Variants in NCR3LG1 observed in about 807,000 individuals in gnomAD.
NCR3LG1 encodes the protein natural killer cell cytotoxicity receptor 3 ligand 1, also known as natural cytotoxicity triggering receptor 3 ligand 1.
Under a neutral mutation model 34.8 loss-of-function variants are expected in NCR3LG1, and 35 were observed. The observed-to-expected ratio is 1.01, with a 90% CI of 0.77 to 1.33. NCR3LG1 has a LOEUF of 1.33. NCR3LG1 is among the 40% of genes most tolerant of loss of function. The pLI is 0.00. For synonymous variants in NCR3LG1, 173 were observed against 163.6 expected (o/e 1.06, Z -0.44); for missense variants, 452 against 423.3 (o/e 1.07, Z -0.60).
downstream of NCR3LG1, chr11:17,377,425 T>C (rs1186623072): frequency 6.6e-6 from 1 of 151,812 alleles, no homozygotes; most frequent in Non-Finnish European, 1.5e-5. Flanking sequence ...GAAGCAGAAG[T>C]TGCAGAAAGC....
In NCR3LG1 at chr11:17,376,786, C is replaced by T. The variant is rs1953481390; in HGVS notation, c.*4274C>T. The T allele has an allele frequency of 6.6e-6, 1 of 152,136 alleles. No homozygotes were observed. The highest frequency in any genetic ancestry group is 2.4e-5 in the African/African-American group (1 of 41,428). The allele number at this position is 152,136 out of a possible 1,614,324, so 9.4% of individuals were successfully genotyped here. ...TTAAAAGCAGAGGAAAAGGACCATACCTGGGAGATCTCAAATATTATAACA... is the reference window on the plus strand; with the variant it reads ...TTAAAAGCAGAGGAAAAGGACCATATCTGGGAGATCTCAAATATTATAACA... On this transcript the variant is annotated 3_prime_UTR_variant, in exon 5 of 5. Coordinates refer to ENST00000338965, the MANE Select transcript of NCR3LG1 (RefSeq NM_001202439.3).
Position 17,367,090 on chromosome 11 carries a change from T to A in NCR3LG1, c.503T>A (p.Phe168Tyr). The A allele has an allele frequency of 6.5e-7, 1 of 1,536,248 alleles. No homozygotes were observed. The highest frequency in any genetic ancestry group is 8.7e-7 in the Non-Finnish European group (1 of 1,146,928). Residue 168 changes from phenylalanine to tyrosine, a missense_variant, in exon 3 of 5, where the codon TTC (phenylalanine) becomes TAC (tyrosine). Transcript: ENST00000338965. ...AAATATATGTGTGAGTCAAGTGGGT[T>A]CTACCCAGAGGCTATTAATATAACA... ...EDKYMCESSG[F>Y]YPEAINITWE...
Position 17,372,784 on chromosome 11 carries a change from G to T in NCR3LG1, c.*272G>T. 1 of 385,660 alleles carries T rather than the reference G, an allele frequency of 2.6e-6. No individual in the cohort carries two copies. The highest frequency in any genetic ancestry group is 4.6e-6 in the Non-Finnish European group (1 of 215,140). 23.9% of individuals were successfully genotyped at this position (385,660 alleles called of 1,614,324 possible). ...CTATAGCCACTCAATAAGGAAAGAA[G>T]GTGAGAAACAACCAGCATTCACATA... On this transcript the variant is annotated 3_prime_UTR_variant, in exon 5 of 5. Coordinates refer to ENST00000338965, the MANE Select transcript of NCR3LG1 (RefSeq NM_001202439.3).
chr11:17,379,283 T>TA (rs1229375593), downstream of NCR3LG1, among the ~76,000 whole-genome samples: 1 of 152,222 alleles, frequency 6.6e-6, no homozygotes, highest in Non-Finnish European at 1.5e-5. Context: ...TTATTGCTGA[T>TA]AACCCCAACA....
In NCR3LG1 at chr11:17,372,756, C is replaced by T. The variant is rs553298172; in HGVS notation, c.*244C>T. On this transcript the variant is annotated 3_prime_UTR_variant, in exon 5 of 5. Transcript: ENST00000338965. Reference sequence around the variant, plus strand: ...AAAAATTCAGAGATGAACAACATGTCTTCTATAGCCACTCAATAAGGAAAG... The same window carrying T: ...AAAAATTCAGAGATGAACAACATGTTTTCTATAGCCACTCAATAAGGAAAG... 3 of 448,630 alleles carry T rather than the reference C, an allele frequency of 6.7e-6. No individual in the cohort carries two copies. Among genetic ancestry groups the T allele is most frequent in the Admixed American group, 7.7e-5 (2 of 26,140 alleles). The allele number at this position is 448,630 out of a possible 1,614,324, so 27.8% of individuals were successfully genotyped here.
chr11:17,369,097 T>C, intron 4 of NCR3LG1, 133 bp downstream of exon 4: 1 of 611,646 alleles, frequency 1.6e-6, no homozygotes, highest in Non-Finnish European at 2.8e-6. Context: ...CTCTTCACCA[T>C]CAGGTGTTGG....
In NCR3LG1 at chr11:17,352,029, G is replaced by A; in HGVS notation, c.60G>A (p.Leu20=). 1.2e-6 allele frequency: 1 copy of A among 801,722 alleles called. No individual in the cohort carries two copies. Among genetic ancestry groups the A allele is most frequent in the Non-Finnish European group, 1.8e-6 (1 of 558,430 alleles). 49.7% of individuals were successfully genotyped at this position (801,722 alleles called of 1,614,324 possible). A position where few individuals can be genotyped will look rare whatever the true frequency, so the allele number is the denominator to read the frequency against. The change falls in exon 1 of 5, where the codon CTG becomes CTA. Residue 20 remains leucine (L), a synonymous_variant. Transcript: ENST00000338965. The part of the protein sequence containing the change: ...CAALLILLWA[L]TTEGDLKVEM... ...CGCTCCTGATTCTGCTGTGGGCGCT[G>A]ACGACCGAAGGTAGGGGGCGGCTGG...
intron 2 of NCR3LG1, among the ~76,000 whole-genome samples, chr11:17,361,657 T>A (rs1953270898): frequency 1.3e-5 from 2 of 152,378 alleles, no homozygotes; most frequent in South Asian, 2.1e-4. Flanking sequence ...TGATTTTTGC[T>A]TATTAACTTT....
intron 1 of NCR3LG1, among the ~76,000 whole-genome samples, chr11:17,353,628 C>T (rs554725367): frequency 6.6e-6 from 1 of 152,224 alleles, no homozygotes; most frequent in African/African-American, 2.4e-5. Flanking sequence ...CCCGCGGATG[C>T]TGGTGGTGGT....
rs907754440 is a variant in NCR3LG1 at position 17,374,577 on chromosome 11, T to C, written c.*2065T>C. The C allele has an allele frequency of 2.2e-5, 3 of 138,256 alleles. No individual in the cohort carries two copies. The Admixed American group carries it at 2.2e-4, about 10-fold the overall frequency. 8.6% of individuals were successfully genotyped at this position (138,256 alleles called of 1,614,324 possible). A position where few individuals can be genotyped will look rare whatever the true frequency, so the allele number is the denominator to read the frequency against. On this transcript the variant is annotated 3_prime_UTR_variant, in exon 5 of 5. Transcript: ENST00000338965. ...AAGGCTCAGCTCTATCAGACTTTGG[T>C]AAAGTACCTAGGTCTGGTCTTGTCA... is the stretch of plus-strand genomic sequence containing the variant.
intron 2 of NCR3LG1, among the ~76,000 whole-genome samples, chr11:17,361,148 G>C (rs1455169206): frequency 2.6e-5 from 4 of 152,010 alleles, no homozygotes; most frequent in Non-Finnish European, 5.9e-5. Flanking sequence ...CATTTTTGTT[G>C]CCTTTCTTCA....
rs1953136094 is a variant in NCR3LG1 at position 17,351,808 on chromosome 11, C to T, written c.-162C>T. The T allele has an allele frequency of 9.0e-6, 5 of 553,528 alleles. No individual in the cohort carries two copies. Among genetic ancestry groups the T allele is most frequent in the Admixed American group, 3.4e-5 (1 of 29,068 alleles). 34.3% of individuals were successfully genotyped at this position (553,528 alleles called of 1,614,324 possible). On this transcript the variant is annotated 5_prime_UTR_variant, in exon 1 of 5. Coordinates refer to ENST00000338965, the MANE Select transcript of NCR3LG1 (RefSeq NM_001202439.3). ...GAAATCCAGGCGACTTCGCAGTTGCCGAAGGGATCTGAAGAAGTGGGATGT... is the reference window on the plus strand; with the variant it reads ...GAAATCCAGGCGACTTCGCAGTTGCTGAAGGGATCTGAAGAAGTGGGATGT...
intron 1 of NCR3LG1, among the ~76,000 whole-genome samples, chr11:17,353,765 C>T (rs1953171276): frequency 6.6e-6 from 1 of 152,206 alleles, no homozygotes; most frequent in Non-Finnish European, 1.5e-5. Flanking sequence ...CGTCCAGCCA[C>T]GAGGAGCGCG....
At chr11:17,379,906 G>A (rs1257789952), downstream of NCR3LG1, among the ~76,000 whole-genome samples, 1 of 152,172 alleles carries the variant, frequency 6.6e-6, no homozygotes, top group Non-Finnish European at 1.5e-5. Flanking sequence ...CTTCGAGAGA[G>A]AGCCTGTGTG....
At chr11:17,362,038 T>C (rs1168450141) in intron 2 of NCR3LG1, among the ~76,000 whole-genome samples, 3 of 152,238 alleles carry the variant, frequency 2.0e-5, no homozygotes, top group African/African-American at 7.2e-5. Flanking sequence ...TGCACAGGAG[T>C]GGTTAGAAGG....
At chr11:17,352,174 CTCCT>C (rs1953143748) in intron 1 of NCR3LG1, 135 bp downstream of exon 1, 6 of 470,378 alleles carry the variant, frequency 1.3e-5, no homozygotes, top group African/African-American at 2.3e-5. Context: ...TCTATTTCTT[CTCCT>C]TTTTTTTTTT....
intron 1 of NCR3LG1, among the ~76,000 whole-genome samples, chr11:17,353,810 G>A (rs1184413883): frequency 6.6e-6 from 1 of 152,262 alleles, no homozygotes; most frequent in Non-Finnish European, 1.5e-5. Flanking sequence ...CCCAGAACCA[G>A]GCGTTGGTGC....
At chr11:17,356,274 A>C (rs748610191) in intron 1 of NCR3LG1, among the ~76,000 whole-genome samples, 37 of 150,544 alleles carry the variant, frequency 2.5e-4, no homozygotes, top group Non-Finnish European at 3.4e-4. Context: ...AGTAGCTGGG[A>C]TTACAGGTGT....
chr11:17,380,074 C>T (rs912406088), downstream of NCR3LG1, among the ~76,000 whole-genome samples: 7 of 152,258 alleles, frequency 4.6e-5, no homozygotes, highest in African/African-American at 7.2e-5. Context: ...AACTATATCC[C>T]GAGATCTCCA....
Sources: gnomAD v4.1 joint callset for allele counts (sites outside exome capture counted in the v4.1 genomes callset) on GRCh38, gnomAD v4.1.1 for gene constraint, MANE v1.5 for transcripts, NCBI Gene and HGNC (gene_info 2026-07-23, HGNC 2026-07-21) for gene names.